MEX3A: variants seen among roughly 807,000 people sequenced by gnomAD.
MEX3A encodes RNA-binding protein MEX3A.
Under a neutral mutation model 30.0 loss-of-function variants are expected in MEX3A, and 4 were observed. The observed-to-expected ratio is 0.13, with a 90% CI of 0.07 to 0.30. The LOEUF is 0.30. Among genes scored for constraint, MEX3A ranks in the 10% least tolerant of loss-of-function variants. MEX3A has a pLI of 1.00. For missense variants in MEX3A, 555 were observed against 736.7 expected (o/e 0.75, Z 2.86); for synonymous variants, 335 against 327.6 (o/e 1.02, Z -0.24).
In MEX3A at chr1:156,072,629, C is replaced by T. The variant is rs112621070; in HGVS notation, c.*3945G>A. 4,852 of 152,814 alleles carry T rather than the reference C, an allele frequency of 0.032. 97 individuals are homozygous for T. Among genetic ancestry groups the T allele is most frequent in the South Asian group, 0.05 (242 of 4,822 alleles). 9.5% of individuals were successfully genotyped at this position (152,814 alleles called of 1,614,324 possible). ...GCTTTAAAAATGTTGATTTCTCACA[C>T]GCAGAAGCCAAGCCCTCCAGTTTTG... is the stretch of plus-strand genomic sequence containing the variant. On this transcript the variant is annotated 3_prime_UTR_variant, in exon 2 of 2. Transcript: ENST00000532414.
In MEX3A at chr1:156,074,913, G is replaced by C. The variant is rs1428450105; in HGVS notation, c.*1661C>G. The C allele has an allele frequency of 6.5e-6, 1 of 152,814 alleles. No individual in the cohort carries two copies. Among genetic ancestry groups the C allele is most frequent in the Non-Finnish European group, 1.5e-5 (1 of 68,070 alleles). The allele number at this position is 152,814 out of a possible 1,614,324, so 9.5% of individuals were successfully genotyped here. ...CACCTCCACCTGCTCCATCCAGGAA[G>C]AATGGGACTCTGGAGCTTTAAGTGC... is the stretch of plus-strand genomic sequence containing the variant. On this transcript the variant is annotated 3_prime_UTR_variant, in exon 2 of 2. Coordinates refer to ENST00000532414, the MANE Select transcript of MEX3A (RefSeq NM_001093725.2).
chr1:156,076,548 G>C lies in MEX3A; in HGVS notation c.*26C>G, dbSNP rs769251732. On this transcript the variant is annotated 3_prime_UTR_variant, in exon 2 of 2. Transcript: ENST00000532414. The surrounding 1 kb of genome is among the most constrained non-coding windows in gnomAD (Gnocchi z 6.0). ...GGTCCAGGGTGGGCCCAGTGGAGTG[G>C]GCCCCGGAGGCATGGGGCACGGGGC... 1.3e-6 allele frequency: 2 copies of C among 1,587,122 alleles called. No individual in the cohort carries two copies. Among genetic ancestry groups the C allele is most frequent in the African/African-American group, 1.3e-5 (1 of 74,504 alleles).
chr1:156,081,456 G>C, intron 1 of MEX3A, 89 bp downstream of exon 1: 1 of 1,157,216 alleles, frequency 8.6e-7, no homozygotes, highest in Non-Finnish European at 1.2e-6. Context: ...AGCCGGAGGC[G>C]GGCAAGAAGG....
In MEX3A at chr1:156,077,802, C is replaced by A; in HGVS notation, c.455-120G>T. On this transcript the variant is annotated intron_variant, in intron 1 of 1. Transcript: ENST00000532414. This position sits in a 1 kb window ranked among gnomAD's most constrained non-coding sequence, Gnocchi z 8.3. ...GCCTCCCAGGAACACTTCAGTCTAC[C>A]CTTTGAAATGCCCACTGCTGCACAC... 1 of 1,388,934 alleles carries A rather than the reference C, an allele frequency of 7.2e-7. No homozygotes were observed. The highest frequency in any genetic ancestry group is 9.5e-7 in the Non-Finnish European group (1 of 1,055,278). The allele number at this position is 1,388,934 out of a possible 1,614,324, so 86.0% of individuals were successfully genotyped here. A position where few individuals can be genotyped will look rare whatever the true frequency, so the allele number is the denominator to read the frequency against.
intron 1 of MEX3A, among the ~76,000 whole-genome samples, chr1:156,080,766 T>A (rs1648197543): frequency 6.6e-6 from 1 of 151,148 alleles, no homozygotes; most frequent in South Asian, 2.1e-4. Flanking sequence ...GAAGGTTTCT[T>A]ACCCCCCAGC....
At position 156,076,529 on chromosome 1, in the gene MEX3A, G is replaced by C; in HGVS notation, c.*45C>G. ...AAGGCTTTAGTGGAAAACAGGTCCA[G>C]GGTGGGCCCAGTGGAGTGGGCCCCG... On this transcript the variant is annotated 3_prime_UTR_variant, in exon 2 of 2. Transcript: ENST00000532414. The surrounding 1 kb of genome is among the most constrained non-coding windows in gnomAD (Gnocchi z 6.0). 2 of 1,555,996 alleles carry C rather than the reference G, an allele frequency of 1.3e-6. No individual in the cohort carries two copies. The highest frequency in any genetic ancestry group is 1.7e-6 in the Non-Finnish European group (2 of 1,143,090).
intron 1 of MEX3A, among the ~76,000 whole-genome samples, chr1:156,080,636 A>G (rs1228382088): frequency 1.3e-5 from 2 of 149,850 alleles, no homozygotes; most frequent in African/African-American, 4.9e-5. Context: ...CAACACCCCC[A>G]CTCACCCACC....
In MEX3A at chr1:156,077,703, A is replaced by G. The variant is rs750404943; in HGVS notation, c.455-21T>C. The G allele has an allele frequency of 1.9e-6, 3 of 1,549,900 alleles. No individual in the cohort carries two copies. The highest frequency in any genetic ancestry group is 2.6e-6 in the Non-Finnish European group (3 of 1,153,318). On this transcript the variant is annotated intron_variant, in intron 1 of 1. Coordinates refer to ENST00000532414, the MANE Select transcript of MEX3A (RefSeq NM_001093725.2). This position sits in a 1 kb window ranked among gnomAD's most constrained non-coding sequence, Gnocchi z 8.3. ...GCAGCCTGGGATAGGGCGGGGAAGG[A>G]GAGAGACAAAGAAACGCACACAGCA...
rs1294745135 is a variant in MEX3A at position 156,082,352 on chromosome 1, C to T, written c.-354G>A. Reference sequence around the variant, plus strand: ...CCTCCCGCCTCGGACCTGGGAGTCTCTAGCCCCCGCTGTCCAGGCGCCCCC... The same window carrying T: ...CCTCCCGCCTCGGACCTGGGAGTCTTTAGCCCCCGCTGTCCAGGCGCCCCC... On this transcript the variant is annotated 5_prime_UTR_variant, in exon 1 of 2. Transcript: ENST00000532414. Among the ~76,000 whole-genome samples, 1 of 152,072 alleles carries T rather than the reference C, an allele frequency of 6.6e-6. No individual in the cohort carries two copies. Among genetic ancestry groups the T allele is most frequent in the Non-Finnish European group, 1.5e-5 (1 of 67,962 alleles).
intron 1 of MEX3A, among the ~76,000 whole-genome samples, chr1:156,078,796 G>A (rs1648141560): frequency 6.6e-6 from 1 of 152,054 alleles, no homozygotes. Context: ...ATGTACCTAA[G>A]AGGTGTGCCT....
intron 1 of MEX3A, among the ~76,000 whole-genome samples, chr1:156,081,329 G>C (rs1013116817): frequency 2.0e-5 from 3 of 152,228 alleles, no homozygotes; most frequent in African/African-American, 4.8e-5. Context: ...TTGTCTAAAG[G>C]CAGAGTCCTG....
Position 156,077,319 on chromosome 1 carries a change from G to A in MEX3A, c.818C>T (p.Ala273Val). Reference protein sequence around the residue: ...DRDPVFEITGAPGNVERAREE... With the variant: ...DRDPVFEITGVPGNVERAREE... ...GCGCGCACGCTCCACGTTGCCTGGG[G>A]CACCCGTGATCTCGAACACGGGGTC... is the stretch of plus-strand genomic sequence containing the variant. The change falls in exon 2 of 2, where the codon GCC becomes GTC. Residue 273 changes from alanine to valine, a missense_variant. By Grantham distance (64) the Ala-to-Val change is moderately conservative. Coordinates refer to ENST00000532414, the MANE Select transcript of MEX3A (RefSeq NM_001093725.2). This position sits in a 1 kb window ranked among gnomAD's most constrained non-coding sequence, Gnocchi z 8.3. 1 of 1,613,932 alleles carries A rather than the reference G, an allele frequency of 6.2e-7. No homozygotes were observed. The highest frequency in any genetic ancestry group is 8.5e-7 in the Non-Finnish European group (1 of 1,179,834).
rs1647948151 is a variant in MEX3A, at chr1:156,072,727, T to C, written c.*3847A>G. 6.6e-6 allele frequency: 1 copy of C among 152,478 alleles called. No individual in the cohort carries two copies. Among genetic ancestry groups the C allele is most frequent in the Non-Finnish European group, 1.5e-5 (1 of 67,964 alleles). 9.4% of individuals were successfully genotyped at this position (152,478 alleles called of 1,614,324 possible). A position where few individuals can be genotyped will look rare whatever the true frequency, so the allele number is the denominator to read the frequency against. On this transcript the variant is annotated 3_prime_UTR_variant, in exon 2 of 2. Coordinates refer to ENST00000532414, the MANE Select transcript of MEX3A (RefSeq NM_001093725.2). Reference sequence around the variant, plus strand: ...CTACCTGAACACATATAGATGGAGGTGAACTGGAGCAGAGGGTCAGGGTTA... The same window carrying C: ...CTACCTGAACACATATAGATGGAGGCGAACTGGAGCAGAGGGTCAGGGTTA...
intron 1 of MEX3A, among the ~76,000 whole-genome samples, 159 bp downstream of exon 1, chr1:156,081,386 A>G (rs955915677): frequency 1.3e-5 from 2 of 152,154 alleles, no homozygotes; most frequent in African/African-American, 4.8e-5. Flanking sequence ...GTAACGGGGA[A>G]CTTTGTGGCA....
intron 1 of MEX3A, among the ~76,000 whole-genome samples, chr1:156,079,672 G>A (rs1648166196): frequency 6.6e-6 from 1 of 152,146 alleles, no homozygotes; most frequent in Non-Finnish European, 1.5e-5. Flanking sequence ...GAGGTATGGA[G>A]GGTCACAAAA....
chr1:156,079,098 G>T (rs1648150333), intron 1 of MEX3A, among the ~76,000 whole-genome samples: 1 of 152,118 alleles, frequency 6.6e-6, no homozygotes, highest in African/African-American at 2.4e-5. Flanking sequence ...TCCAACCTGA[G>T]ACCTGAGGTG....
Position 156,076,541 on chromosome 1 carries a change from T to C in MEX3A, c.*33A>G. On this transcript the variant is annotated 3_prime_UTR_variant, in exon 2 of 2. Coordinates refer to ENST00000532414, the MANE Select transcript of MEX3A (RefSeq NM_001093725.2). This position sits in a 1 kb window ranked among gnomAD's most constrained non-coding sequence, Gnocchi z 6.0. The stretch of plus-strand genomic sequence containing the variant: ...GAAAACAGGTCCAGGGTGGGCCCAG[T>C]GGAGTGGGCCCCGGAGGCATGGGGC... 1 of 1,579,472 alleles carries C rather than the reference T, an allele frequency of 6.3e-7. No homozygotes were observed. The highest frequency in any genetic ancestry group is 1.1e-5 in the South Asian group (1 of 86,990).
At chr1:156,079,406 G>C (rs1648158246) in intron 1 of MEX3A, among the ~76,000 whole-genome samples, 1 of 151,982 alleles carries the variant, frequency 6.6e-6, no homozygotes, top group South Asian at 2.1e-4. Flanking sequence ...AGTAGAGATG[G>C]GGTTTCACCA....
rs773016698 is a variant in MEX3A at position 156,081,530 on chromosome 1, C to T, written c.454+15G>A. The T allele has an allele frequency of 1.2e-6, 2 of 1,601,668 alleles. No homozygotes were observed. The highest frequency in any genetic ancestry group is 8.5e-7 in the Non-Finnish European group (1 of 1,175,250). ...CCACTACAGTCCCTCTCAGTGGTCCCGGCGCCCCGCTTACCTTGCCTGCCC... is the reference window on the plus strand; with the variant it reads ...CCACTACAGTCCCTCTCAGTGGTCCTGGCGCCCCGCTTACCTTGCCTGCCC... On this transcript the variant is annotated intron_variant, in intron 1 of 1. Coordinates refer to ENST00000532414, the MANE Select transcript of MEX3A (RefSeq NM_001093725.2).
Sources: allele counts gnomAD v4.1 joint callset (sites outside exome capture counted in the v4.1 genomes callset), GRCh38; gene constraint gnomAD v4.1.1; non-coding constraint Gnocchi (gnomAD v3.1); transcripts MANE v1.5; gene names NCBI Gene and HGNC (gene_info 2026-07-23, HGNC 2026-07-21).